The following AUTS2 variants were observed in gnomAD, a reference collection of about 807,000 sequenced individuals.
AUTS2 encodes the protein activator of transcription and developmental regulator AUTS2.
In AUTS2, 17 loss-of-function variants were observed where a neutral mutation model predicts 112.4. The observed-to-expected ratio is 0.15, with a 90% confidence interval of 0.10 to 0.23. AUTS2 has a LOEUF of 0.23. Ranked by LOEUF, AUTS2 falls within the 10% of genes least tolerant of loss-of-function variation. AUTS2 has a pLI of 1.00. For synonymous variants in AUTS2, 751 were observed against 702.7 expected, an observed-to-expected ratio of 1.07 and a Z score of -1.09; for missense variants, 1,510 against 1,701.6, an observed-to-expected ratio of 0.89 and a Z score of 1.98.
chr7:70,262,567 G>A (rs1466636029), intron 4 of AUTS2, among the ~76,000 whole-genome samples: 1 of 152,114 alleles, frequency 6.6e-6, no homozygotes, highest in Non-Finnish European at 1.5e-5. Context: ...TATGAAGTAT[G>A]GCTGAATCTT....
At chr7:69,876,102 C>T (rs1793724027) in intron 1 of AUTS2, among the ~76,000 whole-genome samples, 1 of 150,750 alleles carries the variant, frequency 6.6e-6, no homozygotes, top group African/African-American at 2.4e-5. Context: ...TGTGGTGGCT[C>T]ATATCTGTAA....
chr7:70,441,316 T>G (rs890778292), intron 5 of AUTS2, among the ~76,000 whole-genome samples: 1 of 152,236 alleles, frequency 6.6e-6, no homozygotes, highest in East Asian at 1.9e-4. Flanking sequence ...ACTGGCACAA[T>G]GGCTAACTGC....
At chr7:70,487,758 CAG>C (rs1798070812) in intron 5 of AUTS2, among the ~76,000 whole-genome samples, 1 of 152,102 alleles carries the variant, frequency 6.6e-6, no homozygotes, top group African/African-American at 2.4e-5. Context: ...AGGAAAGGCT[CAG>C]GGGAGGCAAG....
At chr7:69,745,127 A>G (rs539597609) in intron 1 of AUTS2, among the ~76,000 whole-genome samples, 1 of 152,284 alleles carries the variant, frequency 6.6e-6, no homozygotes, top group South Asian at 2.1e-4. Context: ...GGTGGTTCAG[A>G]GAGTAAGAAA....
intron 1 of AUTS2, among the ~76,000 whole-genome samples, chr7:69,819,741 C>T (rs1790904758): frequency 6.6e-6 from 1 of 152,156 alleles, no homozygotes; most frequent in Admixed American, 6.5e-5. Flanking sequence ...TGTCAGCTTC[C>T]CAAATAGCTG....
At chr7:70,504,406 G>A (rs888320604) in intron 5 of AUTS2, among the ~76,000 whole-genome samples, 2 of 150,810 alleles carry the variant, frequency 1.3e-5, no homozygotes, top group East Asian at 1.9e-4. Flanking sequence ...GCTGTCCTGC[G>A]CTGTCAGTGA....
intron 5 of AUTS2, among the ~76,000 whole-genome samples, chr7:70,476,796 A>G (rs1024824464): frequency 1.3e-5 from 2 of 152,204 alleles, no homozygotes; most frequent in Non-Finnish European, 2.9e-5. Flanking sequence ...AATTTGTTGT[A>G]ATATTTAAAT....
intron 5 of AUTS2, among the ~76,000 whole-genome samples, chr7:70,456,043 C>T (rs544822359): frequency 6.6e-6 from 1 of 152,296 alleles, no homozygotes; most frequent in South Asian, 2.1e-4. Flanking sequence ...ATACCTGCCT[C>T]ACAGGATTGC....
chr7:70,790,897 G>T lies in AUTS2; in HGVS notation c.3681G>T (p.Leu1227=). 6.3e-7 allele frequency: 1 copy of T among 1,594,036 alleles called. No individual in the cohort carries two copies. The highest frequency in any genetic ancestry group is 8.5e-7 in the Non-Finnish European group (1 of 1,169,780). Residue 1227 remains leucine, a synonymous_variant, in exon 19 of 19, where the codon CTG becomes CTT. Transcript: ENST00000342771. The surrounding 1 kb of genome is among the most constrained non-coding windows in gnomAD (Gnocchi z 7.6). ...CACCTCCCCCGCTCATCTCCACGCT[G>T]GGGGGCCGCCCGGTCTCTCCCAGAA... is the stretch of plus-strand genomic sequence containing the variant. ...LSAPPPLIST[L]GGRPVSPRRT... is the part of the protein sequence containing the mutation.
chr7:70,680,265 A>G (rs1161979618), intron 5 of AUTS2, among the ~76,000 whole-genome samples: 1 of 152,212 alleles, frequency 6.6e-6, no homozygotes, highest in African/African-American at 2.4e-5. Flanking sequence ...ACCAGATCAT[A>G]AAGAATCACA....
chr7:70,684,139 A>G (rs1808340429), intron 5 of AUTS2, among the ~76,000 whole-genome samples: 2 of 152,178 alleles, frequency 1.3e-5, no homozygotes, highest in African/African-American at 2.4e-5. Flanking sequence ...CTAGGGAAAA[A>G]AAAAAAAAGC....
chr7:70,023,735 G>T (rs1295099952), intron 2 of AUTS2, among the ~76,000 whole-genome samples: 1 of 152,138 alleles, frequency 6.6e-6, no homozygotes, highest in East Asian at 1.9e-4. Flanking sequence ...TAGCAAAGGA[G>T]TCTCTCCTCT....
intron 4 of AUTS2, among the ~76,000 whole-genome samples, chr7:70,344,159 C>A (rs977167538): frequency 6.6e-6 from 1 of 152,118 alleles, no homozygotes; most frequent in Non-Finnish European, 1.5e-5. Flanking sequence ...TGAAACATCC[C>A]AGCCCTGGGT....
At chr7:70,408,822 A>G (rs896808586) in intron 4 of AUTS2, among the ~76,000 whole-genome samples, 2 of 152,208 alleles carry the variant, frequency 1.3e-5, no homozygotes, top group South Asian at 4.1e-4. Flanking sequence ...CACTGGTTAC[A>G]TCAGACATGC....
At chr7:70,041,330 T>C (rs1355180234) in intron 2 of AUTS2, among the ~76,000 whole-genome samples, 1 of 152,232 alleles carries the variant, frequency 6.6e-6, no homozygotes, top group Non-Finnish European at 1.5e-5. Flanking sequence ...CAATTCATTT[T>C]ACAATATGTC....
intron 5 of AUTS2, among the ~76,000 whole-genome samples, chr7:70,611,479 C>T (rs1435330972): frequency 1.3e-5 from 2 of 152,196 alleles, no homozygotes; most frequent in African/African-American, 4.8e-5. Context: ...GCCATGCCAG[C>T]CCTAGGCTGC....
intron 2 of AUTS2, among the ~76,000 whole-genome samples, chr7:70,024,782 C>T (rs1800439062): frequency 6.7e-6 from 1 of 150,062 alleles, no homozygotes; most frequent in Non-Finnish European, 1.5e-5. Flanking sequence ...GGCAAAATCT[C>T]TTCTTTGTGA....
chr7:69,769,133 G>A lies in AUTS2; in HGVS notation c.310-130153G>A, dbSNP rs143145633. ...ATTGAACCATGTGAAGCTTAAAATT[G>A]ATACATAGGCATACCCTTAACATTA... On this transcript the variant is annotated intron_variant, in intron 1 of 18. Coordinates refer to ENST00000342771, the MANE Select transcript of AUTS2 (RefSeq NM_015570.4). 1.2e-3 allele frequency among the ~76,000 whole-genome samples: 182 copies of A among 152,350 alleles called. 1 individual carries two copies. In the East Asian group the frequency reaches 0.012, roughly 10 times the overall value.
intron 1 of AUTS2, among the ~76,000 whole-genome samples, chr7:69,692,021 A>G (rs1046580396): frequency 6.6e-6 from 1 of 152,092 alleles, no homozygotes; most frequent in Non-Finnish European, 1.5e-5. Flanking sequence ...CATCCAGCTG[A>G]GCACCTTAGA....
Sources: allele counts gnomAD v4.1 joint callset (sites outside exome capture counted in the v4.1 genomes callset), GRCh38; gene constraint gnomAD v4.1.1; non-coding constraint Gnocchi (gnomAD v3.1); transcripts MANE v1.5; gene names NCBI Gene and HGNC (gene_info 2026-07-23, HGNC 2026-07-21).